The following MYO16 variants were observed in gnomAD, a reference collection of about 807,000 sequenced individuals.
MYO16 encodes unconventional myosin-XVI.
Under a neutral mutation model 205.3 loss-of-function variants are expected in MYO16, and 94 were observed. That is an observed-to-expected ratio of 0.46 (90% confidence interval 0.39 to 0.54). The LOEUF is 0.54. Ranked by LOEUF, MYO16 falls within the 20% of genes least tolerant of loss-of-function variation. The probability of loss-of-function intolerance (pLI) is 0.00; values close to 1 mark genes in which losing one functional copy is unlikely to be tolerated. For missense variants in MYO16, 2,315 were observed against 2,387.5 expected (o/e 0.97, Z 0.63); for synonymous variants, 988 against 954.0 (o/e 1.04, Z -0.66).
intron 2 of MYO16, among the ~76,000 whole-genome samples, chr13:108,679,726 T>A (rs56251171): frequency 0.027 from 3,735 of 137,850 alleles, 55 homozygotes; most frequent in African/African-American, 0.052. Context: ...AAAAAAATAA[T>A]AATAATAATA....
chr13:108,826,236 A>C (rs1470296583), intron 9 of MYO16, among the ~76,000 whole-genome samples: 1 of 152,178 alleles, frequency 6.6e-6, no homozygotes, highest in Non-Finnish European at 1.5e-5. Context: ...ATATATCAAC[A>C]GAATAGAACT....
chr13:108,714,797 C>A (rs1173801173), intron 3 of MYO16, among the ~76,000 whole-genome samples: 1 of 152,036 alleles, frequency 6.6e-6, no homozygotes, highest in Non-Finnish European at 1.5e-5. Context: ...TTTTAATGAA[C>A]ACATATATCA....
intron 21 of MYO16, among the ~76,000 whole-genome samples, chr13:108,994,773 G>T (rs1202353427): frequency 1.3e-5 from 2 of 152,054 alleles, no homozygotes; most frequent in Non-Finnish European, 2.9e-5. Flanking sequence ...AAAGTTCAAC[G>T]AACATGTTTT....
intron 27 of MYO16, among the ~76,000 whole-genome samples, chr13:109,084,276 A>T (rs1161255235): frequency 6.6e-6 from 1 of 152,162 alleles, no homozygotes; most frequent in Non-Finnish European, 1.5e-5. Flanking sequence ...AATTCATCCT[A>T]ATGACTGCAT....
intron 21 of MYO16, among the ~76,000 whole-genome samples, chr13:109,008,561 A>G (rs953784545): frequency 5.2e-5 from 5 of 96,526 alleles, no homozygotes; most frequent in Non-Finnish European, 8.4e-5. Context: ...TGTATGCACT[A>G]CTGTACTATC....
chr13:108,825,578 A>AAAATAAATAAAT (rs148579255), intron 9 of MYO16, among the ~76,000 whole-genome samples: 14,515 of 148,662 alleles, frequency 0.098, 835 homozygotes, highest in East Asian at 0.28. Flanking sequence ...ACCTAGCAAG[A>AAAATAAATAAAT]AAATAAATAA....
At chr13:108,836,231 G>A (rs376085238) in intron 9 of MYO16, among the ~76,000 whole-genome samples, 13 of 152,324 alleles carry the variant, frequency 8.5e-5, no homozygotes, top group South Asian at 8.3e-4. Context: ...GCCTTGCTTC[G>A]GAGGGTGCAA....
At position 109,179,645 on chromosome 13, in the gene MYO16, T is replaced by G; in HGVS notation, c.5415+12T>G. The G allele has an allele frequency of 1.3e-6, 2 of 1,598,322 alleles. No individual in the cohort carries two copies. Among genetic ancestry groups the G allele is most frequent in the Non-Finnish European group, 1.7e-6 (2 of 1,165,738 alleles). On this transcript the variant is annotated intron_variant, in intron 34 of 34. Coordinates refer to ENST00000457511, the MANE Select transcript of MYO16 (RefSeq NM_001198950.3). ...GTCACACCACTCAGGTAATGATGTC[T>G]GTCTGTTCACATGTGCAGTGACAAA... is the stretch of plus-strand genomic sequence containing the variant.
At chr13:108,981,364 GA>G (rs1884441653) in intron 20 of MYO16, among the ~76,000 whole-genome samples, 1 of 152,224 alleles carries the variant, frequency 6.6e-6, no homozygotes, top group Non-Finnish European at 1.5e-5. Context: ...GCAAAAAAGT[GA>G]TCCCAATTTT....
chr13:109,028,846 C>A (rs1414069236), intron 23 of MYO16, among the ~76,000 whole-genome samples: 2 of 151,802 alleles, frequency 1.3e-5, no homozygotes, highest in South Asian at 4.2e-4. Flanking sequence ...TAAAACGTTG[C>A]TGATGGGAAT....
rs762901527 is a variant in MYO16 at position 108,806,716 on chromosome 13, T to C, written c.779T>C (p.Val260Ala). The C allele has an allele frequency of 1.2e-6, 2 of 1,613,220 alleles. No homozygotes were observed. Among genetic ancestry groups the C allele is most frequent in the African/African-American group, 2.7e-5 (2 of 74,918 alleles). The part of the protein sequence containing the change: ...MACASGYKEV[V>A]SLILEHGGDL... ...TGTGCGAGTGGCTACAAGGAGGTGG[T>C]GTCTCTTATCCTGGAACATGGTGGA... Residue 260 changes from valine to alanine, a missense_variant, in exon 7 of 35, where the codon GTG becomes GCG. Val to Ala is a moderately conservative substitution (Grantham distance 64). Around this residue, in one of 3 missense-constraint regions of MYO16, gnomAD observed 1,213 missense variants for 1,274.4 expected, o/e 0.95. Transcript: ENST00000457511.
intron 6 of MYO16, among the ~76,000 whole-genome samples, chr13:108,798,943 G>A (rs1274044020): frequency 6.9e-6 from 1 of 145,698 alleles, no homozygotes; most frequent in African/African-American, 2.5e-5. Flanking sequence ...CCGACCTCAT[G>A]ATCCACCCGC....
chr13:109,023,789 T>G (rs1004846006), intron 23 of MYO16, among the ~76,000 whole-genome samples: 4 of 133,036 alleles, frequency 3.0e-5, no homozygotes, highest in Admixed American at 2.4e-4. Flanking sequence ...ATTATATGCA[T>G]ATTCTACATT....
intron 1 of MYO16, among the ~76,000 whole-genome samples, chr13:108,611,976 T>TC (rs1247820759): frequency 2.4e-5 from 2 of 82,346 alleles, no homozygotes; most frequent in Admixed American, 1.3e-4. Flanking sequence ...TTTTTTCTTT[T>TC]TTTTTTTTTT....
At chr13:108,910,629 A>G (rs1380015021) in intron 16 of MYO16, among the ~76,000 whole-genome samples, 1 of 152,188 alleles carries the variant, frequency 6.6e-6, no homozygotes, top group East Asian at 1.9e-4. Flanking sequence ...CCTTGGTCAT[A>G]GGAGAATGAT....
chr13:109,018,692 C>T lies in MYO16; in HGVS notation c.2596-1019C>T, dbSNP rs80348994. 1.6e-3 allele frequency among the ~76,000 whole-genome samples: 249 copies of T among 152,248 alleles called. 2 individuals are homozygous for T. The highest frequency in any genetic ancestry group is 3.7e-3 in the African/African-American group (152 of 41,558). The stretch of plus-strand genomic sequence containing the variant: ...CCGTTGGAAAAGCACAATATTTGGG[C>T]GGGAGTACCCCGATTTTCCTGGTAC... On this transcript the variant is annotated intron_variant, in intron 22 of 34. Coordinates refer to ENST00000457511, the MANE Select transcript of MYO16 (RefSeq NM_001198950.3).
intron 21 of MYO16, among the ~76,000 whole-genome samples, chr13:108,993,141 A>G (rs940002104): frequency 6.6e-6 from 1 of 152,040 alleles, no homozygotes; most frequent in Non-Finnish European, 1.5e-5. Context: ...AAGAATTACA[A>G]CTCCATAGCA....
intron 29 of MYO16, among the ~76,000 whole-genome samples, chr13:109,124,709 A>G (rs1876154259): frequency 6.6e-6 from 1 of 152,194 alleles, no homozygotes; most frequent in African/African-American, 2.4e-5. Context: ...GATATTTCCA[A>G]AGACAAACCC....
chr13:108,809,757 A>G (rs996233095), intron 7 of MYO16, among the ~76,000 whole-genome samples: 2 of 152,188 alleles, frequency 1.3e-5, no homozygotes, highest in Non-Finnish European at 2.9e-5. Flanking sequence ...AAACTATATC[A>G]GGCATTATGC....
Sources: allele counts gnomAD v4.1 joint callset (sites outside exome capture counted in the v4.1 genomes callset), GRCh38; gene constraint gnomAD v4.1.1; regional missense constraint gnomAD v4.1.1; transcripts MANE v1.5; gene names NCBI Gene and HGNC (gene_info 2026-07-23, HGNC 2026-07-21).